The following DMRT1 variants were observed in gnomAD, a reference collection of about 807,000 sequenced individuals.
DMRT1 encodes the protein doublesex- and mab-3-related transcription factor 1.
In DMRT1, 7 loss-of-function variants were observed where a neutral mutation model predicts 32.3. The observed-to-expected ratio is 0.22, with a 90% CI of 0.12 to 0.41. DMRT1 has a LOEUF of 0.41. Ranked by LOEUF, DMRT1 falls within the 10% of genes least tolerant of loss-of-function variation. DMRT1 has a pLI of 1.00. For missense variants in DMRT1, 625 were observed against 500.5 expected (o/e 1.25, Z -2.37); for synonymous variants, 278 against 206.1 (o/e 1.35, Z -2.99).
chr9:856,187 G>A (rs996898021), intron 2 of DMRT1, among the ~76,000 whole-genome samples: 5 of 152,150 alleles, frequency 3.3e-5, no homozygotes, highest in Non-Finnish European at 5.9e-5. Context: ...AAAGTGCTGG[G>A]ATTACAGGTG....
intron 4 of DMRT1, among the ~76,000 whole-genome samples, chr9:962,731 A>G (rs1269993147): frequency 6.6e-6 from 1 of 151,928 alleles, no homozygotes; most frequent in Non-Finnish European, 1.5e-5. Context: ...CCCTTTTTGC[A>G]TACCATGTTA....
At chr9:959,262 G>C (rs1373628943) in intron 4 of DMRT1, among the ~76,000 whole-genome samples, 6 of 152,248 alleles carry the variant, frequency 3.9e-5, no homozygotes, top group African/African-American at 1.4e-4. Flanking sequence ...GGCCAACCCA[G>C]TCATGGCACC....
Position 968,227 on chromosome 9 carries a change from T to TA in DMRT1, c.*89dup, listed in dbSNP as rs1820000648. The TA allele has an allele frequency of 6.7e-7, 1 of 1,492,764 alleles. No individual in the cohort carries two copies. The highest frequency in any genetic ancestry group is 2.3e-4 in the Middle Eastern group (1 of 4,380). The allele number at this position is 1,492,764 out of a possible 1,614,324, so 92.5% of individuals were successfully genotyped here. ...TTTGTTAATATTTTGCATTGACTCA[T>TA]ACTATCTTAACTGTTGAGAACGTAT... is the stretch of plus-strand genomic sequence containing the variant. On this transcript the variant is annotated 3_prime_UTR_variant, in exon 5 of 5. Coordinates refer to ENST00000382276, the MANE Select transcript of DMRT1 (RefSeq NM_021951.3).
intron 4 of DMRT1, among the ~76,000 whole-genome samples, chr9:957,568 T>A (rs1288122351): frequency 6.6e-6 from 1 of 152,238 alleles, no homozygotes; most frequent in East Asian, 1.9e-4. Flanking sequence ...CCGTGTTATA[T>A]TTAGGTGGTA....
At chr9:922,875 C>G (rs773204907) in intron 4 of DMRT1, among the ~76,000 whole-genome samples, 7 of 146,474 alleles carry the variant, frequency 4.8e-5, no homozygotes, top group Middle Eastern at 3.2e-3. Flanking sequence ...AGTTGCAGAG[C>G]ATCTACATTT....
rs1210152071 is a variant in DMRT1, at chr9:916,652, A to T, written c.823-111A>T. 6.7e-6 allele frequency: 9 copies of T among 1,350,938 alleles called. No individual in the cohort carries two copies. The Admixed American group carries it at 1.4e-4, about 21-fold the overall frequency. 83.7% of individuals were successfully genotyped at this position (1,350,938 alleles called of 1,614,324 possible). On this transcript the variant is annotated intron_variant, in intron 3 of 4. Coordinates refer to ENST00000382276, the MANE Select transcript of DMRT1 (RefSeq NM_021951.3). ...CTCCCAAGGTGTCGGGAACATAGGC[A>T]TGAGCCACTGTGCCCAGCCTGTTAC...
intron 3 of DMRT1, chr9:895,133 A>G (rs1817305379): frequency 6.6e-6 from 1 of 152,188 alleles, no homozygotes; most frequent in Admixed American, 6.5e-5. Flanking sequence ...GTATTTTTAA[A>G]ATAGCATGCA....
At chr9:923,508 C>G (rs1162734482) in intron 4 of DMRT1, among the ~76,000 whole-genome samples, 2 of 152,126 alleles carry the variant, frequency 1.3e-5, no homozygotes, top group Non-Finnish European at 2.9e-5. Flanking sequence ...GATGTGCAAA[C>G]AAGCTCAATA....
chr9:935,365 C>A (rs1818851703), intron 4 of DMRT1, among the ~76,000 whole-genome samples: 1 of 152,178 alleles, frequency 6.6e-6, no homozygotes, highest in Non-Finnish European at 1.5e-5. Flanking sequence ...TTGTCAATCA[C>A]CTCTTAATGT....
intron 2 of DMRT1, among the ~76,000 whole-genome samples, chr9:863,322 A>T (rs1815811247): frequency 2.4e-5 from 1 of 41,246 alleles, no homozygotes; most frequent in Non-Finnish European, 9.7e-5. Flanking sequence ...CGTCTCTTAA[A>T]AAAAAAAAAA....
chr9:882,170 G>A (rs1241965851), intron 2 of DMRT1, among the ~76,000 whole-genome samples: 2 of 152,220 alleles, frequency 1.3e-5, no homozygotes, highest in African/African-American at 2.4e-5. Context: ...CCCTGCAGGT[G>A]GAAGTGGGAT....
At chr9:921,056 A>C (rs10759042) in intron 4 of DMRT1, among the ~76,000 whole-genome samples, 1 of 152,136 alleles carries the variant, frequency 6.6e-6, no homozygotes, top group East Asian at 1.9e-4. Context: ...AACCATAATT[A>C]AAGTGTACAA....
At chr9:861,921 C>G (rs185043697) in intron 2 of DMRT1, among the ~76,000 whole-genome samples, 6 of 135,554 alleles carry the variant, frequency 4.4e-5, no homozygotes, top group East Asian at 4.7e-4. Flanking sequence ...GGGGCAGAGG[C>G]GCTCCCAACA....
intron 2 of DMRT1, among the ~76,000 whole-genome samples, chr9:884,034 A>G (rs1816832536): frequency 6.6e-6 from 1 of 152,166 alleles, no homozygotes; most frequent in Non-Finnish European, 1.5e-5. Flanking sequence ...GTGAATCACA[A>G]GTAGTTTACT....
In DMRT1 at chr9:962,234, C is replaced by T. The variant is rs542335937; in HGVS notation, c.968-5751C>T. On this transcript the variant is annotated intron_variant, in intron 4 of 4. Coordinates refer to ENST00000382276, the MANE Select transcript of DMRT1 (RefSeq NM_021951.3). ...TCAGCCCCTCGTGTGCACGCTTGCT[C>T]ACCTCTGAGAGGGTTTAGGAAGAGA... Among the ~76,000 whole-genome samples the T allele has an allele frequency of 4.6e-5, 7 of 152,252 alleles. No homozygotes were observed. In the Middle Eastern group the frequency reaches 0.01, roughly 222 times the overall value.
chr9:843,527 G>C (rs992469238), intron 1 of DMRT1, among the ~76,000 whole-genome samples: 1 of 152,198 alleles, frequency 6.6e-6, no homozygotes, highest in Non-Finnish European at 1.5e-5. Flanking sequence ...TTTGAGATTT[G>C]GTCCGTCTGT....
intron 3 of DMRT1, among the ~76,000 whole-genome samples, chr9:908,852 C>T (rs554203224): frequency 2.6e-4 from 40 of 152,224 alleles, no homozygotes; most frequent in South Asian, 1.2e-3. Context: ...CTCTCCTGGG[C>T]GCATTTGGAG....
At chr9:863,950 G>A (rs557933735) in intron 2 of DMRT1, among the ~76,000 whole-genome samples, 148 of 152,134 alleles carry the variant, frequency 9.7e-4, no homozygotes, top group Middle Eastern at 3.4e-3. Context: ...TTGATATGAG[G>A]TGCAAGTTTC....
chr9:857,643 T>C (rs1459266571), intron 2 of DMRT1, among the ~76,000 whole-genome samples: 2 of 152,092 alleles, frequency 1.3e-5, no homozygotes, highest in African/African-American at 2.4e-5. Flanking sequence ...TCTATTATTA[T>C]ACTTTAAGTT....
Sources: gnomAD v4.1 joint callset for allele counts (sites outside exome capture counted in the v4.1 genomes callset) on GRCh38, gnomAD v4.1.1 for gene constraint, MANE v1.5 for transcripts, NCBI Gene and HGNC (gene_info 2026-07-23, HGNC 2026-07-21) for gene names.